OGG1: variants seen among roughly 807,000 people sequenced by gnomAD.
OGG1 encodes N-glycosylase/DNA lyase.
Under a neutral mutation model 42.3 loss-of-function variants are expected in OGG1, and 35 were observed. The ratio of observed to expected loss-of-function variants is 0.83; its 90% CI spans 0.63 to 1.10. The LOEUF (loss-of-function observed/expected upper bound fraction) is 1.10. Among genes scored for constraint, OGG1 ranks in the 50% least tolerant of loss-of-function variants. OGG1 has a pLI of 0.00. For missense variants in OGG1, 484 were observed against 446.7 expected, an observed-to-expected ratio of 1.08 and a Z score of -0.75; for synonymous variants, 189 against 179.0, an observed-to-expected ratio of 1.06 and a Z score of -0.44.
At chr3:9,762,784 A>G (rs2077946573) in intron 7 of OGG1, 3 of 858,804 alleles carry the variant, frequency 3.5e-6, no homozygotes, top group African/African-American at 3.4e-5. Context: ...TAAAGGTTAC[A>G]AGATCCACTT....
At chr3:9,774,031 A>G (rs2078334710) in intron 2 of OGG1, among the ~76,000 whole-genome samples, 1 of 152,148 alleles carries the variant, frequency 6.6e-6, no homozygotes, top group Non-Finnish European at 1.5e-5. Context: ...ACCTGACAGA[A>G]AAGAAGCTAT....
intron 7 of OGG1, among the ~76,000 whole-genome samples, chr3:9,764,640 T>TTTTTTTA (rs2078063384): frequency 6.7e-6 from 1 of 148,760 alleles, no homozygotes; most frequent in Non-Finnish European, 1.5e-5. Context: ...TTTTTTTTTT[T>TTTTTTTA]TTTTTGAGAT....
intron 2 of OGG1, chr3:9,780,071 T>TG (rs2078424272): frequency 3.1e-6 from 1 of 326,524 alleles, no homozygotes; most frequent in South Asian, 9.7e-5. Flanking sequence ...GATTAGGGAG[T>TG]GGGGGATGGT....
downstream of OGG1, among the ~76,000 whole-genome samples, chr3:9,768,102 C>T (rs2078205055): frequency 6.6e-6 from 1 of 152,144 alleles, no homozygotes; most frequent in Admixed American, 6.5e-5. Flanking sequence ...GGCAGTACAA[C>T]AGATAAACCC....
At chr3:9,751,640 C>T in intron 2 of OGG1, 130 bp from the exon 3 acceptor site, 1 of 866,652 alleles carries the variant, frequency 1.2e-6, no homozygotes, top group Non-Finnish European at 2.0e-6. Flanking sequence ...GTTGCTTTCT[C>T]TAACGGTGCT....
chr3:9,757,830 G>A (rs767810914), downstream of OGG1: 3 of 1,608,052 alleles, frequency 1.9e-6, no homozygotes, highest in South Asian at 1.1e-5. The surrounding 1 kb of genome is among the most constrained non-coding windows in gnomAD (Gnocchi z 4.5). Flanking sequence ...CACCACAGCC[G>A]TGGCATTGAA....
At chr3:9,786,448 A>G (rs768960589) in intron 3 of OGG1, among the ~76,000 whole-genome samples, 1 of 152,192 alleles carries the variant, frequency 6.6e-6, no homozygotes, top group Non-Finnish European at 1.5e-5. Flanking sequence ...ACTGAGTCTC[A>G]ATGAGGTGAA....
chr3:9,773,228 C>CA (rs76519627), intron 2 of OGG1, among the ~76,000 whole-genome samples: 2,386 of 94,640 alleles, frequency 0.025, 55 homozygotes, highest in African/African-American at 0.071. Context: ...GACTACATCT[C>CA]AAAAAAAAAA....
downstream of OGG1, chr3:9,759,763 G>A (rs756379356): frequency 2.0e-5 from 33 of 1,614,090 alleles, no homozygotes; most frequent in South Asian, 3.5e-4. Context: ...AAACCCCCAA[G>A]ACAAAAGCAA....
downstream of OGG1, among the ~76,000 whole-genome samples, chr3:9,770,954 C>A (rs569194196): frequency 6.6e-6 from 1 of 152,230 alleles, no homozygotes; most frequent in Admixed American, 6.5e-5. Flanking sequence ...GGGGAGAGAA[C>A]AGTGCTTATG....
At chr3:9,767,569 G>C (rs977367096), downstream of OGG1, 1 of 1,495,754 alleles carries the variant, frequency 6.7e-7, no homozygotes, top group Non-Finnish European at 9.3e-7. Flanking sequence ...ACAGGGCCTG[G>C]GCTGTGGGAA....
downstream of OGG1, among the ~76,000 whole-genome samples, chr3:9,767,370 C>T (rs189305370): frequency 3.9e-5 from 6 of 152,354 alleles, no homozygotes; most frequent in Admixed American, 3.3e-4. Context: ...CATCTCCAGC[C>T]TCAGTTCCCA....
intron 7 of OGG1, chr3:9,763,043 A>G (rs761466244): frequency 3.1e-6 from 5 of 1,613,890 alleles, no homozygotes; most frequent in South Asian, 2.2e-5. Flanking sequence ...AGAGCTCCCC[A>G]CCCGACACCC....
Position 9,757,213 on chromosome 3 carries a change from C to A in OGG1, c.*63C>A, listed in dbSNP as rs1445380713. On this transcript the variant is annotated 3_prime_UTR_variant, in exon 7 of 7. Transcript: ENST00000344629. This position sits in a 1 kb window ranked among gnomAD's most constrained non-coding sequence, Gnocchi z 4.5. ...TCCCCTCCATTCCCCACTTCTCTCT[C>A]CCCATCCCCACCCAGTCTCATGTTG... The A allele has an allele frequency of 1.1e-5, 18 of 1,613,696 alleles. No homozygotes were observed. The highest frequency in any genetic ancestry group is 1.5e-5 in the Non-Finnish European group (18 of 1,179,808).
chr3:9,757,216 C>A lies in OGG1; in HGVS notation c.*66C>A, dbSNP rs779974760. 6 of 1,613,792 alleles carry A rather than the reference C, an allele frequency of 3.7e-6. No individual in the cohort carries two copies. Among genetic ancestry groups the A allele is most frequent in the Non-Finnish European group, 5.1e-6 (6 of 1,179,776 alleles). On this transcript the variant is annotated 3_prime_UTR_variant, in exon 7 of 7. Transcript: ENST00000344629. This position sits in a 1 kb window ranked among gnomAD's most constrained non-coding sequence, Gnocchi z 4.5. ...CCTCCATTCCCCACTTCTCTCTCCCCATCCCCACCCAGTCTCATGTTGGGG... is the reference window on the plus strand; with the variant it reads ...CCTCCATTCCCCACTTCTCTCTCCCAATCCCCACCCAGTCTCATGTTGGGG...
chr3:9,770,790 AAG>A (rs1390676965), downstream of OGG1, among the ~76,000 whole-genome samples: 2 of 151,022 alleles, frequency 1.3e-5, no homozygotes, highest in African/African-American at 4.9e-5. Context: ...GCCGAGTGGA[AAG>A]AGGGGGCGGG....
At position 9,754,755 on chromosome 3, in the gene OGG1, G is replaced by C. The variant is rs576227046; in HGVS notation, c.617G>C (p.Arg206Pro). The C allele has an allele frequency of 1.2e-6, 2 of 1,614,144 alleles. No homozygotes were observed. Residue 206 changes from arginine (R) to proline (P), a missense_variant, in exon 4 of 7, where the codon CGT becomes CCT. Physicochemically the swap from Arg to Pro is moderately radical, Grantham distance 103. Transcript: ENST00000344629. ...LRKLGLGYRA[R>P]YVSASARAIL... ...AAGCTGGGCCTGGGCTATCGTGCCC[G>C]TTACGTGAGTGCCAGTGCCCGAGCC...
At chr3:9,782,699 G>A (rs1350504471) in intron 3 of OGG1, among the ~76,000 whole-genome samples, 2 of 151,346 alleles carry the variant, frequency 1.3e-5, no homozygotes, top group Non-Finnish European at 2.9e-5. Context: ...GCTGAGGCAG[G>A]AGAACTGCCT....
At chr3:9,759,439 G>C, downstream of OGG1, 11 of 1,612,976 alleles carry the variant, frequency 6.8e-6, no homozygotes, top group Non-Finnish European at 9.3e-6. Flanking sequence ...GGTAGGGATG[G>C]GGAGGAGTCC....
Sources: gnomAD v4.1 joint callset for allele counts (sites outside exome capture counted in the v4.1 genomes callset) on GRCh38, gnomAD v4.1.1 for gene constraint, Gnocchi (gnomAD v3.1) non-coding constraint, MANE v1.5 for transcripts, NCBI Gene and HGNC (gene_info 2026-07-23, HGNC 2026-07-21) for gene names.